TEX36: variants seen among roughly 807,000 people sequenced by gnomAD.
The protein encoded by TEX36 is testis expressed 36.
In TEX36, 12 loss-of-function variants were observed where a neutral mutation model predicts 13.6. The observed-to-expected ratio is 0.88, with a 90% CI of 0.56 to 1.43. TEX36 has a LOEUF of 1.43. TEX36 is among the 40% of genes most tolerant of loss of function. The pLI is 0.00. For missense variants in TEX36, 224 were observed against 228.3 expected, an observed-to-expected ratio of 0.98 and a Z score of 0.12; for synonymous variants, 93 against 83.0, an observed-to-expected ratio of 1.12 and a Z score of -0.65.
chr10:125,593,795 A>T (rs1420060023), intron 3 of TEX36, among the ~76,000 whole-genome samples: 1 of 152,182 alleles, frequency 6.6e-6, no homozygotes, highest in Non-Finnish European at 1.5e-5. Context: ...ATGGGCACAG[A>T]GTTTCTGTTG....
At chr10:125,623,400 A>G in intron 3 of TEX36, among the ~76,000 whole-genome samples, 1 of 152,180 alleles carries the variant, frequency 6.6e-6, no homozygotes, top group Non-Finnish European at 1.5e-5. Context: ...ACAATCGTTT[A>G]CTGGCCATCT....
downstream of TEX36, among the ~76,000 whole-genome samples, chr10:125,617,951 C>A (rs933010746): frequency 2.6e-5 from 4 of 152,330 alleles, no homozygotes; most frequent in African/African-American, 9.6e-5. Flanking sequence ...GGTCTTTTCA[C>A]ATAGTCCCAT....
intron 1 of TEX36, among the ~76,000 whole-genome samples, chr10:125,681,651 T>G (rs1448718522): frequency 1.3e-5 from 2 of 152,268 alleles, no homozygotes; most frequent in African/African-American, 4.8e-5. Context: ...TCTATTTGAT[T>G]TATACTGTAT....
chr10:125,656,249 C>CTTTTTTTTTTTTTTT (rs66461124), intron 3 of TEX36, 53 bp from the exon 4 acceptor site: 2 of 239,408 alleles, frequency 8.4e-6, no homozygotes, highest in Non-Finnish European at 1.3e-5. Flanking sequence ...TCACATAGTT[C>CTTTTTTTTTTTTTTT]TTTTTTTTTT....
intron 3 of TEX36, among the ~76,000 whole-genome samples, chr10:125,624,936 G>A (rs1308860248): frequency 6.6e-6 from 1 of 152,178 alleles, no homozygotes; most frequent in Non-Finnish European, 1.5e-5. Flanking sequence ...CGTCAACACA[G>A]GAGCCAAAAC....
chr10:125,612,809 G>GAA (rs35721943), intron 3 of TEX36, among the ~76,000 whole-genome samples: 6,278 of 146,170 alleles, frequency 0.043, 222 homozygotes, highest in South Asian at 0.16. Flanking sequence ...TTACAAACAG[G>GAA]AAAAAAAAAA....
intron 1 of TEX36, chr10:125,667,036 G>T: frequency 6.7e-7 from 1 of 1,486,594 alleles, no homozygotes; most frequent in South Asian, 1.2e-5. Flanking sequence ...AGGCCTTCAG[G>T]GCAGAGGCCT....
chr10:125,652,878 CA>C (rs1176121637), downstream of TEX36, among the ~76,000 whole-genome samples: 6 of 152,164 alleles, frequency 3.9e-5, no homozygotes, highest in African/African-American at 1.4e-4. Context: ...CCAACAGACA[CA>C]TGAAAAAATG....
chr10:125,580,546 G>A (rs1320993518), intron 3 of TEX36, among the ~76,000 whole-genome samples: 2 of 152,154 alleles, frequency 1.3e-5, no homozygotes, highest in Non-Finnish European at 2.9e-5. Flanking sequence ...CTGCTGGAGG[G>A]AAGAAAAGAG....
intron 3 of TEX36, among the ~76,000 whole-genome samples, chr10:125,591,906 G>A (rs973416388): frequency 9.9e-5 from 15 of 152,118 alleles, no homozygotes; most frequent in Non-Finnish European, 2.1e-4. Context: ...GTCTGTGAGC[G>A]TTCATTTCTG....
At position 125,636,405 on chromosome 10, in the gene TEX36, G is replaced by A. The variant is rs188254791; in HGVS notation, c.265-14760C>T. ...TTTTTTATATATTTTTAGTAGAGGC[G>A]GGGTTTCACCGTGTTAGCCAGGATG... On this transcript the variant is annotated intron_variant, in intron 3 of 3. Transcript: ENST00000526819. Among the ~76,000 whole-genome samples the A allele has an allele frequency of 4.0e-3, 594 of 150,216 alleles. 6 individuals carry two copies. The highest frequency in any genetic ancestry group is 0.013 in the African/African-American group (539 of 40,540).
At chr10:125,581,213 G>A (rs1845877434) in intron 3 of TEX36, among the ~76,000 whole-genome samples, 2 of 152,088 alleles carry the variant, frequency 1.3e-5, no homozygotes, top group Non-Finnish European at 2.9e-5. Flanking sequence ...GGGAGATTAG[G>A]TTCCCAGGGG....
chr10:125,593,078 C>G (rs184173122), intron 3 of TEX36, among the ~76,000 whole-genome samples: 2 of 152,316 alleles, frequency 1.3e-5, no homozygotes, highest in Admixed American at 6.5e-5. Flanking sequence ...AATCAACCTT[C>G]ATCCTCTCCA....
At chr10:125,654,171 T>C (rs1329431517), downstream of TEX36, among the ~76,000 whole-genome samples, 3 of 152,128 alleles carry the variant, frequency 2.0e-5, no homozygotes, top group South Asian at 4.1e-4. Context: ...ATTAGAACTT[T>C]CTTTTTATTT....
chr10:125,618,336 G>C (rs1846384074), downstream of TEX36, among the ~76,000 whole-genome samples: 1 of 149,386 alleles, frequency 6.7e-6, no homozygotes, highest in African/African-American at 2.6e-5. Context: ...GTGAGGAACT[G>C]CGTTCCTTTG....
chr10:125,618,584 T>C (rs918249568), downstream of TEX36, among the ~76,000 whole-genome samples: 13 of 152,030 alleles, frequency 8.6e-5, no homozygotes, highest in Non-Finnish European at 1.5e-4. Context: ...GGGGTGCCTC[T>C]CAGTTAGGCT....
intron 3 of TEX36, among the ~76,000 whole-genome samples, chr10:125,638,090 C>T (rs986278995): frequency 3.3e-5 from 5 of 151,998 alleles, no homozygotes; most frequent in African/African-American, 1.2e-4. Context: ...AGAAATTCCC[C>T]AACTGCCTCC....
At chr10:125,656,851 A>AC (rs1229675527) in intron 3 of TEX36, among the ~76,000 whole-genome samples, 1 of 150,982 alleles carries the variant, frequency 6.6e-6, no homozygotes, top group Non-Finnish European at 1.5e-5. Context: ...CACTCCCAAC[A>AC]CCCCCGACCT....
In TEX36 at chr10:125,593,505, A is replaced by C. The variant is rs112800165; in HGVS notation, c.265-16631T>G. Among the ~76,000 whole-genome samples, 70 of 152,302 alleles carry C rather than the reference A, an allele frequency of 4.6e-4. 2 individuals are homozygous for C. The highest frequency in any genetic ancestry group is 1.6e-3 in the African/African-American group (67 of 41,564). ...TAATAAAGTCTTCGGTGCTTGCCTT[A>C]AAGGATTGTTATGAAATTCAAACAG... On this transcript the variant is annotated intron_variant, in intron 3 of 3. Transcript: ENST00000532135.
Sources: gnomAD v4.1 joint callset for allele counts (sites outside exome capture counted in the v4.1 genomes callset) on GRCh38, gnomAD v4.1.1 for gene constraint, MANE v1.5 for transcripts, NCBI Gene and HGNC (gene_info 2026-07-23, HGNC 2026-07-21) for gene names.